CHGA: variants seen among roughly 807,000 people sequenced by gnomAD.
CHGA encodes chromogranin A.
A neutral mutation model predicts 54.4 loss-of-function variants in CHGA; 41 were observed. The ratio of observed to expected loss-of-function variants is 0.75; its 90% CI spans 0.59 to 0.98. The LOEUF (loss-of-function observed/expected upper bound fraction) is 0.98. CHGA is among the 50% of genes least tolerant of loss of function. CHGA has a pLI of 0.00. For missense variants in CHGA, 576 were observed against 582.3 expected, an observed-to-expected ratio of 0.99 and a Z score of 0.11; for synonymous variants, 249 against 232.8, an observed-to-expected ratio of 1.07 and a Z score of -0.63.
chr14:92,930,108 G>A (rs1305042179), intron 5 of CHGA, among the ~76,000 whole-genome samples: 1 of 152,224 alleles, frequency 6.6e-6, no homozygotes, highest in African/African-American at 2.4e-5. Context: ...CATGGCAGGT[G>A]GACAGCTTCA....
intron 5 of CHGA, among the ~76,000 whole-genome samples, chr14:92,930,269 T>A (rs559700363): frequency 6.6e-6 from 1 of 152,356 alleles, no homozygotes; most frequent in East Asian, 1.9e-4. Flanking sequence ...ATCATCTTTC[T>A]TGAAACCAAA....
Position 92,934,254 on chromosome 14 carries a change from T to C in CHGA, c.1291-547T>C, listed in dbSNP as rs1371803153. On this transcript the variant is annotated intron_variant, in intron 7 of 7. Transcript: ENST00000216492. ...AGGAGGGGTCCCTGCTTCCCTAAAC[T>C]TGGGTAGCCAGAGTTCGGGATCCTC... is the stretch of plus-strand genomic sequence containing the variant. 2.0e-5 allele frequency among the ~76,000 whole-genome samples: 3 copies of C among 152,172 alleles called. No homozygotes were observed. In the East Asian group the frequency reaches 5.8e-4, roughly 29 times the overall value.
chr14:92,925,880 G>T (rs1437250356), intron 2 of CHGA, among the ~76,000 whole-genome samples: 1 of 152,140 alleles, frequency 6.6e-6, no homozygotes, highest in Non-Finnish European at 1.5e-5. Flanking sequence ...CATTACGGTG[G>T]GCACCATCAT....
At chr14:92,934,407 G>C (rs543369975) in intron 7 of CHGA, among the ~76,000 whole-genome samples, 3 of 152,220 alleles carry the variant, frequency 2.0e-5, no homozygotes, top group Non-Finnish European at 4.4e-5. Flanking sequence ...GACAGACCCG[G>C]AAGTCCCAGG....
chr14:92,924,489 GC>G (rs1242393451), intron 2 of CHGA, among the ~76,000 whole-genome samples: 4 of 152,256 alleles, frequency 2.6e-5, no homozygotes, highest in African/African-American at 9.6e-5. Context: ...CATCTTACCT[GC>G]TGGGCCGAGG....
At position 92,932,810 on chromosome 14, in the gene CHGA, G is replaced by A; in HGVS notation, c.1249G>A (p.Glu417Lys). The A allele has an allele frequency of 1.9e-6, 3 of 1,544,302 alleles. No homozygotes were observed. Among genetic ancestry groups the A allele is most frequent in the Non-Finnish European group, 2.6e-6 (3 of 1,144,118 alleles). ...CCTCCAGGTCCGAGGCTACCCCGAG[G>A]AGAAGAAAGAGGAGGAGGGCAGCGC... ...LPLQVRGYPEEKKEEEGSANR... is the reference protein window; with the variant it reads ...LPLQVRGYPEKKKEEEGSANR... The change falls in exon 7 of 8, where the codon GAG becomes AAG. Residue 417 changes from glutamate to lysine, a missense_variant. By Grantham distance (56) the Glu-to-Lys change is moderately conservative. Coordinates refer to ENST00000216492, the MANE Select transcript of CHGA (RefSeq NM_001275.4). The surrounding 1 kb of genome is among the most constrained non-coding windows in gnomAD (Gnocchi z 5.3).
At position 92,931,522 on chromosome 14, in the gene CHGA, C is replaced by G; in HGVS notation, c.628C>G (p.Leu210Val). 1 of 1,612,848 alleles carries G rather than the reference C, an allele frequency of 6.2e-7. No individual in the cohort carries two copies. The highest frequency in any genetic ancestry group is 8.5e-7 in the Non-Finnish European group (1 of 1,179,764). The change falls in exon 6 of 8, where the codon CTG (leucine) becomes GTG (valine). Residue 210 changes from leucine (L) to valine (V), a missense_variant. Transcript: ENST00000216492. ...EGDSEGLSQG[L>V]VDREKGLSAE... is the part of the protein sequence containing the mutation. ...GGACAGTGAGGGCCTCTCTCAGGGT[C>G]TGGTGGACAGAGAGAAGGGCCTGAG...
intron 2 of CHGA, among the ~76,000 whole-genome samples, chr14:92,925,630 T>G (rs1886872406): frequency 1.3e-5 from 2 of 152,184 alleles, no homozygotes; most frequent in African/African-American, 4.8e-5. Flanking sequence ...CGGTGTTGCC[T>G]GATGCCTGTC....
chr14:92,923,282 C>A lies in CHGA; in HGVS notation c.-78C>A. 8.2e-7 allele frequency: 1 copy of A among 1,222,648 alleles called. No individual in the cohort carries two copies. The highest frequency in any genetic ancestry group is 1.0e-6 in the Non-Finnish European group (1 of 977,810). The allele number at this position is 1,222,648 out of a possible 1,614,324, so 75.7% of individuals were successfully genotyped here. A position where few individuals can be genotyped will look rare whatever the true frequency, so the allele number is the denominator to read the frequency against. On this transcript the variant is annotated 5_prime_UTR_variant, in exon 1 of 8. Transcript: ENST00000216492. ...CGGTGCCACCGCAGCCCGACCCCGGCCGCCAGTCCAGCCGCCCCTCGCCCG... is the reference window on the plus strand; with the variant it reads ...CGGTGCCACCGCAGCCCGACCCCGGACGCCAGTCCAGCCGCCCCTCGCCCG...
Position 92,932,911 on chromosome 14 carries a change from A to G in CHGA, c.1290+60A>G, listed in dbSNP as rs1887042165. 1 of 1,447,466 alleles carries G rather than the reference A, an allele frequency of 6.9e-7. No homozygotes were observed. The highest frequency in any genetic ancestry group is 2.8e-5 in the Admixed American group (1 of 35,154). The allele number at this position is 1,447,466 out of a possible 1,614,324, so 89.7% of individuals were successfully genotyped here. A position where few individuals can be genotyped will look rare whatever the true frequency, so the allele number is the denominator to read the frequency against. ...CCACGGAGCAGCAGGGGGCAGCCGC[A>G]CCCAGACACACTGCCCCTGCCCCAC... On this transcript the variant is annotated intron_variant, in intron 7 of 7. Coordinates refer to ENST00000216492, the MANE Select transcript of CHGA (RefSeq NM_001275.4). The surrounding 1 kb of genome is among the most constrained non-coding windows in gnomAD (Gnocchi z 5.3).
intron 2 of CHGA, among the ~76,000 whole-genome samples, chr14:92,925,174 G>T (rs905162929): frequency 6.6e-6 from 1 of 152,194 alleles, no homozygotes; most frequent in Non-Finnish European, 1.5e-5. Flanking sequence ...TTGAGGGGAG[G>T]TGTAAAGAGT....
intron 5 of CHGA, among the ~76,000 whole-genome samples, chr14:92,930,349 G>T (rs1886970417): frequency 6.6e-6 from 1 of 152,240 alleles, no homozygotes; most frequent in African/African-American, 2.4e-5. Flanking sequence ...CCCTTCCCGG[G>T]GAGAGCCACA....
chr14:92,926,258 C>T (rs1173322150), intron 2 of CHGA: 7 of 280,178 alleles, frequency 2.5e-5, no homozygotes, highest in Admixed American at 4.5e-5. Context: ...ATTTTAGTGC[C>T]CTGAGGCAGT....
rs1477614306 is a variant in CHGA at position 92,932,110 on chromosome 14, C to G, written c.809-260C>G. On this transcript the variant is annotated intron_variant, in intron 6 of 7. Transcript: ENST00000216492. The surrounding 1 kb of genome is among the most constrained non-coding windows in gnomAD (Gnocchi z 5.3). ...GAGAGGCCCTGGCTCCCGCTGCGGG[C>G]CTGTCAGGGTCTTTCCTCACTCTCC... 2 of 474,980 alleles carry G rather than the reference C, an allele frequency of 4.2e-6. No homozygotes were observed. Among genetic ancestry groups the G allele is most frequent in the Admixed American group, 7.3e-5 (2 of 27,272 alleles). The allele number at this position is 474,980 out of a possible 1,614,324, so 29.4% of individuals were successfully genotyped here.
Position 92,932,924 on chromosome 14 carries a change from G to T in CHGA, c.1290+73G>T. ...GGGGGCAGCCGCACCCAGACACACT[G>T]CCCCTGCCCCACTGAGGGGACAGGG... On this transcript the variant is annotated intron_variant, in intron 7 of 7. Transcript: ENST00000216492. The surrounding 1 kb of genome is among the most constrained non-coding windows in gnomAD (Gnocchi z 5.3). 6.9e-7 allele frequency: 1 copy of T among 1,444,298 alleles called. No homozygotes were observed. The highest frequency in any genetic ancestry group is 2.9e-5 in the Admixed American group (1 of 34,934). The allele number at this position is 1,444,298 out of a possible 1,614,324, so 89.5% of individuals were successfully genotyped here. A position where few individuals can be genotyped will look rare whatever the true frequency, so the allele number is the denominator to read the frequency against.
At chr14:92,930,258 G>T (rs1886968196) in intron 5 of CHGA, among the ~76,000 whole-genome samples, 1 of 152,258 alleles carries the variant, frequency 6.6e-6, no homozygotes, top group Non-Finnish European at 1.5e-5. Context: ...AATGAACCCA[G>T]ATCATCTTTC....
intron 1 of CHGA, among the ~76,000 whole-genome samples, chr14:92,923,900 C>T (rs970862030): frequency 6.6e-6 from 1 of 152,220 alleles, no homozygotes; most frequent in Non-Finnish European, 1.5e-5. Flanking sequence ...GTCTCCCACC[C>T]GTCCCACTGT....
chr14:92,928,439 C>T (rs1292194905), intron 4 of CHGA, among the ~76,000 whole-genome samples: 1 of 152,182 alleles, frequency 6.6e-6, no homozygotes, highest in Admixed American at 6.5e-5. Flanking sequence ...CTTCCTCCCA[C>T]TCATGAGCCA....
intron 1 of CHGA, 148 bp downstream of exon 1, chr14:92,923,553 C>A (rs993879955): frequency 7.3e-6 from 5 of 682,352 alleles, no homozygotes; most frequent in Admixed American, 8.9e-5. Context: ...CTCCGCCTCC[C>A]GCCTGACCCT....
Sources: allele counts gnomAD v4.1 joint callset (sites outside exome capture counted in the v4.1 genomes callset), GRCh38; gene constraint gnomAD v4.1.1; non-coding constraint Gnocchi (gnomAD v3.1); transcripts MANE v1.5; gene names NCBI Gene and HGNC (gene_info 2026-07-23, HGNC 2026-07-21).